ZNF98: variants seen among roughly 807,000 people sequenced by gnomAD.
The protein encoded by ZNF98 is zinc finger protein 739.
ZNF98 carries 8 observed loss-of-function variants against 12.8 expected under a neutral mutation model. That is an observed-to-expected ratio of 0.63 (90% CI 0.37 to 1.13). The LOEUF is 1.13. ZNF98 is among the 50% of genes most tolerant of loss of function. The pLI is 0.01. For synonymous variants in ZNF98, 112 were observed against 223.5 expected, an observed-to-expected ratio of 0.50 and a Z score of 4.45; for missense variants, 379 against 666.1, an observed-to-expected ratio of 0.57 and a Z score of 4.74.
At chr19:22,410,456 T>C (rs981649409) in intron 1 of ZNF98, among the ~76,000 whole-genome samples, 4 of 152,090 alleles carry the variant, frequency 2.6e-5, no homozygotes, top group Admixed American at 6.6e-5. Context: ...TGCAGGAACA[T>C]GGATTAAGCT....
chr19:22,415,059 T>A (rs951457109), intron 1 of ZNF98, among the ~76,000 whole-genome samples: 1 of 151,876 alleles, frequency 6.6e-6, no homozygotes, highest in African/African-American at 2.4e-5. Context: ...CACTAAATGG[T>A]AGACAAAAAA....
In ZNF98 at chr19:22,392,836, C is replaced by G; in HGVS notation, c.399G>C (p.Lys133Asn). 6.2e-7 allele frequency: 1 copy of G among 1,612,174 alleles called. No homozygotes were observed. The stretch of plus-strand genomic sequence containing the variant: ...GTCCATTGTAACATTCTTTGTGCAC[C>G]TTACACTCATCCATGCTTTTACAGT... ...RKYCKSMDEC[K>N]VHKECYNGLN... The change falls in exon 4 of 4, where the codon AAG becomes AAC. Residue 133 changes from lysine to asparagine, a missense_variant. Physicochemically the swap from Lys to Asn is moderately conservative, Grantham distance 94. This residue lies in a region of ZNF98 where 223 missense variants were observed against 261.6 expected (regional missense o/e 0.85). Transcript: ENST00000357774.
rs376095495 is a variant in ZNF98 at position 22,407,337 on chromosome 19, G to A, written c.31-3825C>T. Among the ~76,000 whole-genome samples, 27 of 151,374 alleles carry A rather than the reference G, an allele frequency of 1.8e-4. 2 individuals are homozygous for A. The highest frequency in any genetic ancestry group is 7.9e-4 in the East Asian group (4 of 5,058). ...TTCCCAAAGTGCTGGGATTACAGGC[G>A]TGAGCCACTGTGCCCAGTCCTATTT... On this transcript the variant is annotated intron_variant, in intron 1 of 3. Coordinates refer to ENST00000357774, the MANE Select transcript of ZNF98 (RefSeq NM_001098626.2).
intron 1 of ZNF98, among the ~76,000 whole-genome samples, chr19:22,406,822 A>G (rs1429206880): frequency 2.6e-5 from 4 of 151,138 alleles, no homozygotes; most frequent in African/African-American, 9.7e-5. Context: ...GTCTCAAAAA[A>G]AAAAGAAAAA....
chr19:22,399,584 TTTTTTGCCTGTCTATATTTCC>T (rs1485455345), intron 3 of ZNF98, among the ~76,000 whole-genome samples: 1 of 152,194 alleles, frequency 6.6e-6, no homozygotes, highest in Non-Finnish European at 1.5e-5. Context: ...AATCCTGTCT[TTTTTTGCCTGTCTATATTTCC>T]TTTTTGTCTG....
chr19:22,393,230 G>C (rs1372143719), intron 3 of ZNF98, among the ~76,000 whole-genome samples: 1 of 152,214 alleles, frequency 6.6e-6, no homozygotes, highest in Non-Finnish European at 1.5e-5. Flanking sequence ...AGAAAGAAAA[G>C]TCTGTTACAT....
chr19:22,415,691 AAAG>A (rs1969631918), intron 1 of ZNF98, among the ~76,000 whole-genome samples: 1 of 151,732 alleles, frequency 6.6e-6, no homozygotes, highest in Non-Finnish European at 1.5e-5. Context: ...GGCTAAAGTA[AAAG>A]AAGATTGCTT....
rs546482401 is a variant in ZNF98, at chr19:22,421,036, G to A, written c.30+1159C>T. On this transcript the variant is annotated intron_variant, in intron 1 of 3. Transcript: ENST00000357774. ...CAATACAGTGTTTATAAAGTGCAATGCTATTTCCTTCCCCTGTGCATATGT... is the reference window on the plus strand; with the variant it reads ...CAATACAGTGTTTATAAAGTGCAATACTATTTCCTTCCCCTGTGCATATGT... Among the ~76,000 whole-genome samples, 5 of 152,096 alleles carry A rather than the reference G, an allele frequency of 3.3e-5. No homozygotes were observed. In the South Asian group the frequency reaches 8.3e-4, roughly 25 times the overall value.
chr19:22,419,267 A>G (rs958489006), intron 1 of ZNF98, among the ~76,000 whole-genome samples: 1 of 152,136 alleles, frequency 6.6e-6, no homozygotes, highest in African/African-American at 2.4e-5. Flanking sequence ...CTTCAAAACA[A>G]TAACTTCATC....
intron 1 of ZNF98, among the ~76,000 whole-genome samples, chr19:22,420,824 C>G (rs1235546415): frequency 6.6e-6 from 1 of 152,188 alleles, no homozygotes; most frequent in Non-Finnish European, 1.5e-5. Context: ...AAAACATTAT[C>G]ATAAGACCTT....
intron 1 of ZNF98, among the ~76,000 whole-genome samples, chr19:22,405,449 A>AAAG (rs1246777011): frequency 6.6e-6 from 1 of 152,088 alleles, no homozygotes; most frequent in East Asian, 1.9e-4. Flanking sequence ...GGAGAGGAAG[A>AAAG]AAGAGCAGTG....
At chr19:22,404,581 T>C (rs899482688) in intron 1 of ZNF98, among the ~76,000 whole-genome samples, 7 of 152,178 alleles carry the variant, frequency 4.6e-5, no homozygotes, top group African/African-American at 7.2e-5. Flanking sequence ...ATCAACTGCA[T>C]GAAGATAAAT....
In ZNF98 at chr19:22,400,726, G is replaced by A. The variant is rs548068279; in HGVS notation, c.253+2063C>T. Among the ~76,000 whole-genome samples, 37 of 152,094 alleles carry A rather than the reference G, an allele frequency of 2.4e-4. No individual in the cohort carries two copies. In the East Asian group the frequency reaches 5.1e-3, roughly 21 times the overall value. On this transcript the variant is annotated intron_variant, in intron 3 of 3. Coordinates refer to ENST00000357774, the MANE Select transcript of ZNF98 (RefSeq NM_001098626.2). ...TCCCAGAACTTTGGGAGGCCAAGGC[G>A]GGTGGATCACCAGGTCAGGAGTTCA...
chr19:22,392,927 T>C lies in ZNF98; in HGVS notation c.308A>G (p.Tyr103Cys), dbSNP rs1413949346. 5 of 1,580,888 alleles carry C rather than the reference T, an allele frequency of 3.2e-6. No homozygotes were observed. The highest frequency in any genetic ancestry group is 4.3e-6 in the Non-Finnish European group (5 of 1,168,122). Residue 103 changes from tyrosine (Y) to cysteine (C), a missense_variant, in exon 4 of 4, where the codon TAT (tyrosine) becomes TGT (cysteine). Tyr to Cys is a radical substitution (Grantham distance 194, BLOSUM62 -2). This residue lies in a region of ZNF98 where 223 missense variants were observed against 261.6 expected (regional missense o/e 0.85). Transcript: ENST00000357774. ...DLWPKQGKKN[Y>C]FQKVILRTYK... The stretch of plus-strand genomic sequence containing the variant: ...TGTTCTCAGTATCACTTTTTGGAAA[T>C]AATTTTTTTTGCCCTGCTTTGGCCA...
At chr19:22,417,890 T>C (rs1480403562) in intron 1 of ZNF98, among the ~76,000 whole-genome samples, 1 of 152,112 alleles carries the variant, frequency 6.6e-6, no homozygotes, top group Non-Finnish European at 1.5e-5. Flanking sequence ...GTTTCTTTAC[T>C]CTAAGTTTGG....
chr19:22,403,198 A>G (rs922631149), intron 2 of ZNF98, among the ~76,000 whole-genome samples, 188 bp downstream of exon 2: 1 of 151,750 alleles, frequency 6.6e-6, no homozygotes, highest in Admixed American at 6.6e-5. Context: ...AGGAGTGTGG[A>G]AAGTTCAGAT....
At chr19:22,407,625 T>C (rs1422750762) in intron 1 of ZNF98, among the ~76,000 whole-genome samples, 4 of 151,648 alleles carry the variant, frequency 2.6e-5, no homozygotes, top group Non-Finnish European at 5.9e-5. Context: ...GGCAGAAGAA[T>C]TGCTTGAACC....
intron 1 of ZNF98, among the ~76,000 whole-genome samples, chr19:22,409,271 T>C (rs1025535539): frequency 5.3e-5 from 8 of 152,192 alleles, no homozygotes; most frequent in African/African-American, 1.9e-4. Context: ...CTTCCTTACA[T>C]CTTATACAAA....
chr19:22,419,716 T>C (rs947386716), intron 1 of ZNF98, among the ~76,000 whole-genome samples: 1 of 152,180 alleles, frequency 6.6e-6, no homozygotes, highest in Non-Finnish European at 1.5e-5. Flanking sequence ...AAAAATCATG[T>C]AGTAAACAAT....
Sources: gnomAD v4.1 joint callset for allele counts (sites outside exome capture counted in the v4.1 genomes callset) on GRCh38, gnomAD v4.1.1 for gene constraint, gnomAD v4.1.1 regional missense constraint, MANE v1.5 for transcripts, NCBI Gene and HGNC (gene_info 2026-07-23, HGNC 2026-07-21) for gene names.